TRIM62: variants seen among roughly 807,000 people sequenced by gnomAD.
TRIM62 encodes E3 ubiquitin-protein ligase TRIM62.
TRIM62 carries 39 observed loss-of-function variants against 44.2 expected under a neutral mutation model. The ratio of observed to expected loss-of-function variants is 0.88; its 90% CI spans 0.68 to 1.15. The LOEUF (loss-of-function observed/expected upper bound fraction) is 1.15, where lower values mean the gene tolerates loss of function less well. Ranked by LOEUF, TRIM62 falls within the 50% of genes most tolerant of loss-of-function variation. The probability of loss-of-function intolerance (pLI) is 0.00; values close to 1 mark genes in which losing one functional copy is unlikely to be tolerated. For missense variants in TRIM62, 544 were observed against 665.5 expected (o/e 0.82, Z 2.01); for synonymous variants, 278 against 292.3 (o/e 0.95, Z 0.50).
At chr1:33,153,297 C>T (rs75157285) in intron 4 of TRIM62, among the ~76,000 whole-genome samples, 2,410 of 152,304 alleles carry the variant, frequency 0.016, 65 homozygotes, top group African/African-American at 0.05. Flanking sequence ...CTGCTGCTCT[C>T]TGAACTCCCC....
rs140635080 is a variant in TRIM62, at chr1:33,166,595, A to C, written c.409-1029T>G. ...TTCTGATGGAGAAAAAGATACAGAG[A>C]GGTCAAGAAACTGGCCCCATAGCAT... On this transcript the variant is annotated intron_variant, in intron 1 of 4. Coordinates refer to ENST00000291416, the MANE Select transcript of TRIM62 (RefSeq NM_018207.3). Among the ~76,000 whole-genome samples, 398 of 152,322 alleles carry C rather than the reference A, an allele frequency of 2.6e-3. 1 individual carries two copies. Among genetic ancestry groups the C allele is most frequent in the African/African-American group, 9.2e-3 (383 of 41,572 alleles).
rs372568583 is a variant in TRIM62 at position 33,161,511 on chromosome 1, G to C, written c.505-1567C>G. On this transcript the variant is annotated intron_variant, in intron 2 of 4. Transcript: ENST00000291416. The surrounding 1 kb of genome is among the most constrained non-coding windows in gnomAD (Gnocchi z 4.3). ...AGGGCCTGTTCCCTCCCCGACGCGC[G>C]GCTGCTGGCCTGCAGGAAGAACTGC... Among the ~76,000 whole-genome samples the C allele has an allele frequency of 3.9e-5, 6 of 152,282 alleles. No homozygotes were observed. The highest frequency in any genetic ancestry group is 1.4e-4 in the African/African-American group (6 of 41,558).
chr1:33,170,668 C>T (rs1016080569), intron 1 of TRIM62, among the ~76,000 whole-genome samples: 7 of 152,092 alleles, frequency 4.6e-5, no homozygotes, highest in Admixed American at 1.3e-4. Context: ...GAAAACCAAA[C>T]CCTAGAGTCC....
intron 4 of TRIM62, among the ~76,000 whole-genome samples, chr1:33,152,250 T>C (rs1355967396): frequency 1.3e-5 from 2 of 152,148 alleles, no homozygotes; most frequent in Non-Finnish European, 2.9e-5. Context: ...TCCCAGCATG[T>C]GGCCCCAGAA....
intron 1 of TRIM62, among the ~76,000 whole-genome samples, chr1:33,174,970 CACACATAT>C (rs1557762477): frequency 1.8e-5 from 2 of 110,250 alleles, no homozygotes; most frequent in African/African-American, 8.9e-5. Context: ...TATATATATA[CACACATAT>C]ACATATATAT....
rs1489483996 is a variant in TRIM62 at position 33,159,436 on chromosome 1, A to G, written c.761+252T>C. 6.6e-6 allele frequency among the ~76,000 whole-genome samples: 1 copy of G among 152,200 alleles called. No individual in the cohort carries two copies. The highest frequency in any genetic ancestry group is 1.5e-5 in the Non-Finnish European group (1 of 68,030). ...CCCCTAGAGCCAAGACAGCAGGGTC[A>G]AAGTGGCTGCCCTCTAGATGGTTTT... On this transcript the variant is annotated intron_variant, in intron 3 of 4. Coordinates refer to ENST00000291416, the MANE Select transcript of TRIM62 (RefSeq NM_018207.3). The surrounding 1 kb of genome is among the most constrained non-coding windows in gnomAD (Gnocchi z 4.2).
rs1645263337 is a variant in TRIM62 at position 33,161,305 on chromosome 1, A to G, written c.505-1361T>C. 6.6e-6 allele frequency among the ~76,000 whole-genome samples: 1 copy of G among 152,186 alleles called. No individual in the cohort carries two copies. The highest frequency in any genetic ancestry group is 1.5e-5 in the Non-Finnish European group (1 of 68,024). ...CAGGGGAACAGGCAGAGGGAGCCGC[A>G]TGAGGAAGGGCTTAACGTCAGGACG... is the stretch of plus-strand genomic sequence containing the variant. On this transcript the variant is annotated intron_variant, in intron 2 of 4. Coordinates refer to ENST00000291416, the MANE Select transcript of TRIM62 (RefSeq NM_018207.3). This position sits in a 1 kb window ranked among gnomAD's most constrained non-coding sequence, Gnocchi z 4.3.
chr1:33,162,597 C>T (rs1000082373), intron 2 of TRIM62, among the ~76,000 whole-genome samples: 3 of 152,190 alleles, frequency 2.0e-5, no homozygotes, highest in Non-Finnish European at 4.4e-5. Flanking sequence ...AGGGAAGAGT[C>T]TTGTCTGAGA....
intron 1 of TRIM62, among the ~76,000 whole-genome samples, chr1:33,174,953 A>ATATATATATG: frequency 6.6e-5 from 1 of 15,232 alleles, no homozygotes; most frequent in East Asian, 1.7e-3. Flanking sequence ...GTGTATATAT[A>ATATATATATG]TATATATATA....
In TRIM62 at chr1:33,171,480, G is replaced by A. The variant is rs141716327; in HGVS notation, c.409-5914C>T. Among the ~76,000 whole-genome samples, 120 of 152,228 alleles carry A rather than the reference G, an allele frequency of 7.9e-4. 2 individuals carry two copies. Among genetic ancestry groups the A allele is most frequent in the Middle Eastern group, 6.8e-3 (2 of 294 alleles). On this transcript the variant is annotated intron_variant, in intron 1 of 4. Coordinates refer to ENST00000291416, the MANE Select transcript of TRIM62 (RefSeq NM_018207.3). ...CAGAGGGGAGGCTCTCAGTGGCTCCGAAAATCCATGTTCAAAATCTCTTGG... is the reference window on the plus strand; with the variant it reads ...CAGAGGGGAGGCTCTCAGTGGCTCCAAAAATCCATGTTCAAAATCTCTTGG...
chr1:33,160,076 G>A, intron 2 of TRIM62, 132 bp from the exon 3 acceptor site: 1 of 1,165,156 alleles, frequency 8.6e-7, no homozygotes, highest in Non-Finnish European at 1.2e-6. Context: ...TGGGGGAAAT[G>A]TCACATGCAA....
chr1:33,159,731 C>A lies in TRIM62; in HGVS notation c.718G>T (p.Asp240Tyr). ...ACCCCAGCCAGGAAGGTGTGCCGGT[C>A]GGTTTCAGCCAGCCGCTCCTGCAGG... The part of the protein sequence containing the change: ...QILQERLAET[D>Y]RHTFLAGVAS... Residue 240 changes from aspartate (D) to tyrosine (Y), a missense_variant, in exon 3 of 5, where the codon GAC (aspartate) becomes TAC (tyrosine). Asp to Tyr is a radical substitution (Grantham distance 160). Transcript: ENST00000291416. This position sits in a 1 kb window ranked among gnomAD's most constrained non-coding sequence, Gnocchi z 4.2. 2 of 1,612,100 alleles carry A rather than the reference C, an allele frequency of 1.2e-6. No homozygotes were observed. The highest frequency in any genetic ancestry group is 1.7e-6 in the Non-Finnish European group (2 of 1,179,528).
rs1302418332 is a variant in TRIM62 at position 33,165,439 on chromosome 1, CG to C, written c.504+31del. The C allele has an allele frequency of 1.3e-6, 2 of 1,544,474 alleles. No individual in the cohort carries two copies. Among genetic ancestry groups the C allele is most frequent in the Admixed American group, 3.9e-5 (2 of 51,740 alleles). On this transcript the variant is annotated intron_variant, in intron 2 of 4. Transcript: ENST00000291416. This position sits in a 1 kb window ranked among gnomAD's most constrained non-coding sequence, Gnocchi z 4.0. ...CTCGAAGCCCTGCCCTCATCTCTGC[CG>C]GCCCCACCTCCGCGCCCCGGCCAGG...
At position 33,181,519 on chromosome 1, in the gene TRIM62, G is replaced by A; in HGVS notation, c.-87C>T. The A allele has an allele frequency of 6.9e-7, 1 of 1,459,704 alleles. No individual in the cohort carries two copies. 90.4% of individuals were successfully genotyped at this position (1,459,704 alleles called of 1,614,324 possible). ...GCTGTCGGAGGCAGCACCGAGGGCT[G>A]GGCGCGGGGACGAGGCCCGCACAGG... On this transcript the variant is annotated 5_prime_UTR_variant, in exon 1 of 5. Coordinates refer to ENST00000291416, the MANE Select transcript of TRIM62 (RefSeq NM_018207.3). The surrounding 1 kb of genome is among the most constrained non-coding windows in gnomAD (Gnocchi z 6.5).
rs373101169 is a variant in TRIM62, at chr1:33,146,985, C to G, written c.*192G>C. The G allele has an allele frequency of 1.6e-6, 1 of 625,208 alleles. No homozygotes were observed. Among genetic ancestry groups the G allele is most frequent in the Non-Finnish European group, 2.8e-6 (1 of 359,038 alleles). The allele number at this position is 625,208 out of a possible 1,614,324, so 38.7% of individuals were successfully genotyped here. A position where few individuals can be genotyped will look rare whatever the true frequency, so the allele number is the denominator to read the frequency against. ...CCCTATCAAGGTCAGAGCTACAGAA[C>G]ATCGATGCTGGAAGAGAGTTTAGGA... is the stretch of plus-strand genomic sequence containing the variant. On this transcript the variant is annotated 3_prime_UTR_variant, in exon 5 of 5. Transcript: ENST00000291416.
Position 33,147,933 on chromosome 1 carries a change from T to C in TRIM62, c.878-206A>G, listed in dbSNP as rs542208259. On this transcript the variant is annotated intron_variant, in intron 4 of 4. Transcript: ENST00000291416. This position sits in a 1 kb window ranked among gnomAD's most constrained non-coding sequence, Gnocchi z 8.1. ...TGGTGGTTAAGGTCCTTCCAGATAT[T>C]GTCTGCAGGGGAGCAGGGGCTACAG... 1.3e-5 allele frequency among the ~76,000 whole-genome samples: 2 copies of C among 152,282 alleles called. No individual in the cohort carries two copies. The highest frequency in any genetic ancestry group is 2.1e-4 in the South Asian group (1 of 4,824).
At chr1:33,173,176 A>ATC (rs1645387447) in intron 1 of TRIM62, among the ~76,000 whole-genome samples, 14 of 152,064 alleles carry the variant, frequency 9.2e-5, no homozygotes. Flanking sequence ...ATTATTTTAT[A>ATC]TCTTTGAGCC....
chr1:33,173,284 C>T (rs767015966), intron 1 of TRIM62, among the ~76,000 whole-genome samples: 4 of 152,216 alleles, frequency 2.6e-5, no homozygotes, highest in Non-Finnish European at 4.4e-5. Context: ...GGCACACTGC[C>T]CCACAGTGCT....
At chr1:33,160,962 G>A (rs904194812) in intron 2 of TRIM62, among the ~76,000 whole-genome samples, 2 of 152,230 alleles carry the variant, frequency 1.3e-5, no homozygotes. Context: ...CTCAGGAAGG[G>A]TGAAGTAGTG....
Sources: allele counts gnomAD v4.1 joint callset (sites outside exome capture counted in the v4.1 genomes callset), GRCh38; gene constraint gnomAD v4.1.1; non-coding constraint Gnocchi (gnomAD v3.1); transcripts MANE v1.5; gene names NCBI Gene and HGNC (gene_info 2026-07-23, HGNC 2026-07-21).